LRP2: variants seen among roughly 807,000 people sequenced by gnomAD.
LRP2 encodes low-density lipoprotein receptor-related protein 2.
In LRP2, 172 loss-of-function variants were observed where a neutral mutation model predicts 531.0. The observed-to-expected ratio is 0.32, with a 90% confidence interval of 0.29 to 0.37. The LOEUF is 0.37. Among genes scored for constraint, LRP2 ranks in the 10% least tolerant of loss-of-function variants. The pLI is 1.00. For missense variants in LRP2, 5,167 were observed against 5,868.3 expected (o/e 0.88, Z 3.90); for synonymous variants, 1,992 against 2,027.6 (o/e 0.98, Z 0.47).
At chr2:169,343,416 C>T (rs1441872285) in intron 1 of LRP2, among the ~76,000 whole-genome samples, 1 of 152,174 alleles carries the variant, frequency 6.6e-6, no homozygotes, top group Admixed American at 6.5e-5. Flanking sequence ...CAAAAAATCA[C>T]AGCATGGTGG....
intron 29 of LRP2, among the ~76,000 whole-genome samples, chr2:169,234,796 A>G (rs13401167): frequency 0.05 from 7,688 of 152,272 alleles, 645 homozygotes; most frequent in African/African-American, 0.17. Context: ...CTTTGATAAA[A>G]TATCTATTTT....
chr2:169,335,021 C>T (rs1685366494), intron 1 of LRP2, among the ~76,000 whole-genome samples: 1 of 152,192 alleles, frequency 6.6e-6, no homozygotes, highest in Non-Finnish European at 1.5e-5. Context: ...GGATGCTCAA[C>T]ACTGAAAGCA....
At chr2:169,326,152 C>A (rs1161097067) in intron 1 of LRP2, among the ~76,000 whole-genome samples, 2 of 78,428 alleles carry the variant, frequency 2.6e-5, no homozygotes, top group Non-Finnish European at 5.3e-5. Context: ...CTCCCTCTCC[C>A]TCTCCCTCTC....
intron 71 of LRP2, 78 bp downstream of exon 71, chr2:169,142,596 T>C (rs951780577): frequency 6.3e-7 from 1 of 1,597,032 alleles, no homozygotes; most frequent in South Asian, 1.1e-5. Context: ...GGACCCAGCA[T>C]ACAGGGATTC....
intron 15 of LRP2, 99 bp from the exon 16 acceptor site, chr2:169,271,206 T>C: frequency 1.4e-6 from 1 of 736,290 alleles, no homozygotes. Context: ...CTTTAAATTA[T>C]AAAATATAAT....
chr2:169,294,503 T>C (rs867704637), intron 5 of LRP2, 97 bp downstream of exon 5: 1 of 930,396 alleles, frequency 1.1e-6, no homozygotes, highest in Middle Eastern at 2.1e-4. Flanking sequence ...ATGAATTCAC[T>C]GAACCTGAAC....
intron 4 of LRP2, among the ~76,000 whole-genome samples, chr2:169,303,953 T>C (rs747805609): frequency 2.0e-5 from 3 of 152,200 alleles, no homozygotes; most frequent in Non-Finnish European, 4.4e-5. Context: ...CCTGCCCAGA[T>C]ATAATAACTT....
rs369935878 is a variant in LRP2, at chr2:169,270,947, A to G, written c.2277T>C (p.Asp759=). The part of the protein sequence containing the change: ...DAQDSTIFFS[D]MSKHMIFKQK... ...GCTTAAAAATCATGTGTTTTGACAT[A>G]TCTGAAAAAAAGATAGTGCTGTCCT... is the stretch of plus-strand genomic sequence containing the variant. The change falls in exon 16 of 79, where the codon GAT becomes GAC. Residue 759 remains aspartate, a synonymous_variant. Transcript: ENST00000649046. The G allele has an allele frequency of 2.2e-5, 36 of 1,613,132 alleles. No individual in the cohort carries two copies. The highest frequency in any genetic ancestry group is 1.7e-4 in the Admixed American group (10 of 59,842).
rs530095016 is a variant in LRP2, at chr2:169,311,372, T to C, written c.311-3975A>G. Reference sequence around the variant, plus strand: ...AATTTCCCTCTACACACGCTTTAAGTGTGTCCCAGAGATTCTGGTATGTTG... The same window carrying C: ...AATTTCCCTCTACACACGCTTTAAGCGTGTCCCAGAGATTCTGGTATGTTG... On this transcript the variant is annotated intron_variant, in intron 3 of 78. Transcript: ENST00000649046. Among the ~76,000 whole-genome samples, 49 of 152,354 alleles carry C rather than the reference T, an allele frequency of 3.2e-4. No homozygotes were observed. In the South Asian group the frequency reaches 6.8e-3, roughly 21 times the overall value.
chr2:169,191,124 A>T (rs1400936822), intron 48 of LRP2, among the ~76,000 whole-genome samples: 1 of 152,216 alleles, frequency 6.6e-6, no homozygotes, highest in Non-Finnish European at 1.5e-5. Flanking sequence ...TCAAATGAAA[A>T]TCCAGATTTC....
chr2:169,192,264 C>T (rs146987762), intron 47 of LRP2, among the ~76,000 whole-genome samples: 215 of 152,266 alleles, frequency 1.4e-3, no homozygotes, highest in African/African-American at 5.0e-3. Context: ...AATAAAATGT[C>T]TCATTTATTT....
intron 49 of LRP2, among the ~76,000 whole-genome samples, chr2:169,186,330 G>T (rs150429040): frequency 2.8e-4 from 43 of 152,204 alleles, no homozygotes; most frequent in African/African-American, 9.6e-4. Context: ...GCTCTGATTT[G>T]TAGCATGTTC....
chr2:169,312,102 A>C (rs1684615039), intron 3 of LRP2, among the ~76,000 whole-genome samples: 1 of 152,006 alleles, frequency 6.6e-6, no homozygotes, highest in Non-Finnish European at 1.5e-5. Context: ...GTGTCTCTGC[A>C]CGTGAGATGG....
In LRP2 at chr2:169,206,078, T is replaced by G; in HGVS notation, c.7501A>C (p.Thr2501Pro). The G allele has an allele frequency of 6.2e-7, 1 of 1,614,206 alleles. No individual in the cohort carries two copies. ...GGTTTTGGAACGCGGGCTATCACAG[T>G]GCGGTTAGACCCATCTTCAGCCATG... ...NSMAEDGSNRTVIARVPKPRA... is the reference protein window; with the variant it reads ...NSMAEDGSNRPVIARVPKPRA... Residue 2501 changes from threonine to proline, a missense_variant, in exon 40 of 79, where the codon ACT becomes CCT. By Grantham distance (38) the Thr-to-Pro change is conservative. Around this residue, in one of 6 missense-constraint regions of LRP2, gnomAD observed 1,129 missense variants for 1,362.7 expected, o/e 0.83. Transcript: ENST00000649046.
At chr2:169,268,589 G>A (rs996473406) in intron 16 of LRP2, among the ~76,000 whole-genome samples, 1 of 152,210 alleles carries the variant, frequency 6.6e-6, no homozygotes, top group African/African-American at 2.4e-5. Context: ...ACTAGGTATT[G>A]ATGGGATGTA....
chr2:169,300,945 T>G (rs1053439889), intron 4 of LRP2, among the ~76,000 whole-genome samples: 6 of 152,130 alleles, frequency 3.9e-5, no homozygotes, highest in African/African-American at 1.4e-4. Flanking sequence ...AGCTGGAGTT[T>G]CAGCAGTTAA....
intron 63 of LRP2, among the ~76,000 whole-genome samples, chr2:169,160,783 C>G: frequency 6.6e-6 from 1 of 151,878 alleles, no homozygotes; most frequent in East Asian, 1.9e-4. Context: ...GAACCCAAAC[C>G]TGCCATTCAG....
intron 1 of LRP2, among the ~76,000 whole-genome samples, chr2:169,341,703 A>G (rs948593598): frequency 1.3e-5 from 2 of 152,212 alleles, no homozygotes; most frequent in South Asian, 2.1e-4. Context: ...AGAGTTAAGT[A>G]TGTGAGGCCC....
At position 169,241,102 on chromosome 2, in the gene LRP2, G is replaced by A. The variant is rs756651134; in HGVS notation, c.3931C>T (p.Arg1311Cys). The A allele has an allele frequency of 5.0e-6, 8 of 1,613,984 alleles. No individual in the cohort carries two copies. Among genetic ancestry groups the A allele is most frequent in the South Asian group, 2.2e-5 (2 of 91,068 alleles). ...DEKDCPTQPF[R>C]CPSWQWQCLG... Reference sequence around the variant, plus strand: ...CACTGCCATTGCCAACTAGGACAGCGAAAGGGCTGAGTAGGGCAGTCCTTC... The same window carrying A: ...CACTGCCATTGCCAACTAGGACAGCAAAAGGGCTGAGTAGGGCAGTCCTTC... The change falls in exon 25 of 79, where the codon CGC (arginine) becomes TGC (cysteine). Residue 1311 changes from arginine to cysteine, a missense_variant. This residue lies in a region of LRP2 where 2,811 missense variants were observed against 3,058.0 expected (regional missense o/e 0.92). Coordinates refer to ENST00000649046, the MANE Select transcript of LRP2 (RefSeq NM_004525.3).
Sources: gnomAD v4.1 joint callset for allele counts (sites outside exome capture counted in the v4.1 genomes callset) on GRCh38, gnomAD v4.1.1 for gene constraint, gnomAD v4.1.1 regional missense constraint, MANE v1.5 for transcripts, NCBI Gene and HGNC (gene_info 2026-07-23, HGNC 2026-07-21) for gene names.